The following PPP1R1C variants were observed in gnomAD, a reference collection of about 807,000 sequenced individuals.
The protein encoded by PPP1R1C is protein phosphatase 1 regulatory inhibitor subunit 1C, also known as protein phosphatase 1 regulatory subunit 1C.
PPP1R1C carries 15 observed loss-of-function variants against 17.4 expected under a neutral mutation model. The ratio of observed to expected loss-of-function variants is 0.86; its 90% CI spans 0.58 to 1.33. PPP1R1C has a LOEUF of 1.33. Ranked by LOEUF, PPP1R1C falls within the 40% of genes most tolerant of loss-of-function variation. The pLI, the probability that PPP1R1C is intolerant of heterozygous loss-of-function variation, is 0.00. For synonymous variants in PPP1R1C, 35 were observed against 43.1 expected (o/e 0.81, Z 0.73); for missense variants, 143 against 130.0 (o/e 1.10, Z -0.48).
downstream of PPP1R1C, chr2:182,131,090 C>A (rs1689997065): frequency 6.6e-6 from 1 of 152,134 alleles, no homozygotes; most frequent in African/African-American, 2.4e-5. Context: ...ACAACTATAT[C>A]TGTAGAAGAT....
intron 2 of PPP1R1C, among the ~76,000 whole-genome samples, chr2:181,977,516 G>C (rs1186926641): frequency 6.6e-6 from 1 of 151,748 alleles, no homozygotes; most frequent in African/African-American, 2.4e-5. Context: ...TGTCTTTCAG[G>C]GCTTATTTGA....
chr2:182,096,541 C>G (rs898652621), intron 4 of PPP1R1C, among the ~76,000 whole-genome samples: 1 of 151,362 alleles, frequency 6.6e-6, no homozygotes, highest in Non-Finnish European at 1.5e-5. Context: ...CCCGTGACCT[C>G]CCCTCGCAAA....
intron 4 of PPP1R1C, among the ~76,000 whole-genome samples, chr2:182,084,175 T>C (rs1392780611): frequency 6.6e-6 from 1 of 152,120 alleles, no homozygotes; most frequent in Non-Finnish European, 1.5e-5. Context: ...TAGTCCTTTG[T>C]TGGAAGCACA....
intron 1 of PPP1R1C, among the ~76,000 whole-genome samples, chr2:181,970,824 A>G (rs192145686): frequency 6.6e-6 from 1 of 152,242 alleles, no homozygotes; most frequent in East Asian, 1.9e-4. Context: ...CCTTTCCACA[A>G]GCAGAGGGGA....
intron 5 of PPP1R1C, among the ~76,000 whole-genome samples, chr2:182,126,346 A>G (rs991989340): frequency 2.0e-5 from 3 of 152,062 alleles, no homozygotes; most frequent in Non-Finnish European, 4.4e-5. Flanking sequence ...CTTATTTTCT[A>G]ACTCAGTGAT....
intron 2 of PPP1R1C, among the ~76,000 whole-genome samples, chr2:182,034,165 G>A (rs767911489): frequency 1.8e-4 from 28 of 152,272 alleles, no homozygotes; most frequent in Non-Finnish European, 3.2e-4. Context: ...GCCCTATTCA[G>A]AATAGAGGCA....
intron 4 of PPP1R1C, among the ~76,000 whole-genome samples, chr2:182,116,696 T>C (rs533757933): frequency 9.9e-5 from 15 of 152,166 alleles, no homozygotes; most frequent in African/African-American, 1.2e-4. Context: ...GGGGAAGTTA[T>C]TGAAGAATTT....
chr2:181,995,423 G>A (rs1685585641), intron 2 of PPP1R1C, among the ~76,000 whole-genome samples: 2 of 152,204 alleles, frequency 1.3e-5, no homozygotes, highest in Admixed American at 6.5e-5. Flanking sequence ...AGCCACATGA[G>A]GTAGTTGGGC....
chr2:182,000,408 T>G (rs1007202170), intron 2 of PPP1R1C, among the ~76,000 whole-genome samples: 2 of 152,114 alleles, frequency 1.3e-5, no homozygotes, highest in African/African-American at 2.4e-5. Flanking sequence ...AGGATGCATG[T>G]TCCAAAAATA....
chr2:182,019,350 G>T (rs1686349209), intron 2 of PPP1R1C, among the ~76,000 whole-genome samples: 1 of 152,240 alleles, frequency 6.6e-6, no homozygotes, highest in Admixed American at 6.5e-5. Context: ...TCCCTTGGGT[G>T]GAGTATCACA....
Position 182,063,734 on chromosome 2 carries a change from C to G in PPP1R1C, c.184C>G (p.Gln62Glu). 6.2e-7 allele frequency: 1 copy of G among 1,612,240 alleles called. No individual in the cohort carries two copies. The highest frequency in any genetic ancestry group is 2.2e-5 in the East Asian group (1 of 44,862). The change falls in exon 4 of 5, where the codon CAG becomes GAG. Residue 62 changes from glutamine to glutamate, a missense_variant. Coordinates refer to ENST00000682840, the MANE Select transcript of PPP1R1C (RefSeq NM_001080545.3). ...KRGPNTQGEL[Q>E]NASPKQRKQS... Reference sequence around the variant, plus strand: ...ACTTTTTTCTCTTTCTCCACAGTTACAGAATGCATCCCCTAAGCAAAGGAA... The same window carrying G: ...ACTTTTTTCTCTTTCTCCACAGTTAGAGAATGCATCCCCTAAGCAAAGGAA...
intron 2 of PPP1R1C, among the ~76,000 whole-genome samples, chr2:182,045,510 T>C (rs767601954): frequency 2.6e-5 from 4 of 152,130 alleles, no homozygotes; most frequent in Admixed American, 6.5e-5. Flanking sequence ...ATTACCACTT[T>C]GTTTATAATC....
rs1687910143 is a variant in PPP1R1C at position 182,063,746 on chromosome 2, C to T, written c.196C>T (p.Pro66Ser). The change falls in exon 4 of 5, where the codon CCT becomes TCT. Residue 66 changes from proline (P) to serine (S), a missense_variant. Pro to Ser is a moderately conservative substitution (Grantham distance 74, BLOSUM62 -1). Coordinates refer to ENST00000682840, the MANE Select transcript of PPP1R1C (RefSeq NM_001080545.3). ...NTQGELQNAS[P>S]KQRKQSVYTP... ...TTCTCCACAGTTACAGAATGCATCC[C>T]CTAAGCAAAGGAAGCAGAGTGTGTA... 6.2e-7 allele frequency: 1 copy of T among 1,612,784 alleles called. No individual in the cohort carries two copies.
chr2:182,043,117 A>C lies in PPP1R1C; in HGVS notation c.143-18325A>C, dbSNP rs548380151. ...AGAAAAGCAAAAGAGCACACAACTCAGCATTTTTGCCAGTTCACTACTCAC... is the reference window on the plus strand; with the variant it reads ...AGAAAAGCAAAAGAGCACACAACTCCGCATTTTTGCCAGTTCACTACTCAC... On this transcript the variant is annotated intron_variant, in intron 2 of 4. Transcript: ENST00000682840. Among the ~76,000 whole-genome samples, 5 of 152,370 alleles carry C rather than the reference A, an allele frequency of 3.3e-5. No homozygotes were observed. In the South Asian group the frequency reaches 8.3e-4, roughly 25 times the overall value.
chr2:182,096,829 G>C (rs1688955709), intron 4 of PPP1R1C, among the ~76,000 whole-genome samples: 1 of 152,088 alleles, frequency 6.6e-6, no homozygotes, highest in African/African-American at 2.4e-5. Context: ...AATCATGCAA[G>C]TTGTTCTGAA....
intron 4 of PPP1R1C, among the ~76,000 whole-genome samples, chr2:182,092,577 C>T (rs1302012311): frequency 3.9e-5 from 6 of 152,324 alleles, no homozygotes; most frequent in Admixed American, 1.3e-4. Context: ...ATCCCTTCCA[C>T]CTATAAGCCT....
intron 4 of PPP1R1C, among the ~76,000 whole-genome samples, chr2:182,081,630 C>G (rs1425494923): frequency 6.6e-6 from 1 of 152,062 alleles, no homozygotes; most frequent in African/African-American, 2.4e-5. Context: ...TCAGAGTTAA[C>G]TTACAAATGA....
chr2:182,064,096 A>G (rs2125198721), intron 4 of PPP1R1C: 1 of 320,904 alleles, frequency 3.1e-6, no homozygotes, highest in South Asian at 6.4e-5. Flanking sequence ...ATTTTCCCAG[A>G]AGCCCTAATT....
chr2:181,989,354 G>A (rs1179753869), intron 2 of PPP1R1C, among the ~76,000 whole-genome samples: 2 of 152,224 alleles, frequency 1.3e-5, no homozygotes, highest in Non-Finnish European at 2.9e-5. Context: ...CCATTTGGAT[G>A]AGGAAAGTGT....
Sources: gnomAD v4.1 joint callset for allele counts (sites outside exome capture counted in the v4.1 genomes callset) on GRCh38, gnomAD v4.1.1 for gene constraint, MANE v1.5 for transcripts, NCBI Gene and HGNC (gene_info 2026-07-23, HGNC 2026-07-21) for gene names.